SERPING1: variants seen among roughly 807,000 people sequenced by gnomAD.
The protein encoded by SERPING1 is serpin family G member 1.
Under a neutral mutation model 34.1 loss-of-function variants are expected in SERPING1, and 5 were observed. The ratio of observed to expected loss-of-function variants is 0.15; its 90% CI spans 0.08 to 0.31. SERPING1 has a LOEUF of 0.31. Among genes scored for constraint, SERPING1 ranks in the 10% least tolerant of loss-of-function variants. The probability of loss-of-function intolerance (pLI) is 1.00; values close to 1 mark genes in which losing one functional copy is unlikely to be tolerated. For missense variants in SERPING1, 505 were observed against 609.5 expected (o/e 0.83, Z 1.81); for synonymous variants, 225 against 242.4 (o/e 0.93, Z 0.67).
chr11:57,613,280 T>A (rs554246864), intron 7 of SERPING1, among the ~76,000 whole-genome samples: 1 of 152,294 alleles, frequency 6.6e-6, no homozygotes, highest in East Asian at 1.9e-4. Flanking sequence ...TGAATCCAAT[T>A]CTAACACTCT....
At chr11:57,603,838 CAAAAAAAAA>C (rs1259067706) in intron 4 of SERPING1, among the ~76,000 whole-genome samples, 1 of 67,160 alleles carries the variant, frequency 1.5e-5, no homozygotes, top group Non-Finnish European at 2.9e-5. Flanking sequence ...GACACCATCT[CAAAAAAAAA>C]AAAAAAAAAT....
At chr11:57,611,634 T>A (rs1945476880) in intron 6 of SERPING1, 83 bp from the exon 7 acceptor site, 1 of 1,267,424 alleles carries the variant, frequency 7.9e-7, no homozygotes, top group African/African-American at 1.5e-5. Context: ...GGGAGCAGAC[T>A]GCAGGACAGC....
At chr11:57,613,505 G>A (rs1181476852) in intron 7 of SERPING1, among the ~76,000 whole-genome samples, 1 of 152,168 alleles carries the variant, frequency 6.6e-6, no homozygotes, top group African/African-American at 2.4e-5. Context: ...GGTTTATTAT[G>A]TAAAGGATTA....
chr11:57,602,301 G>A lies in SERPING1; in HGVS notation c.685+132G>A, dbSNP rs1945357450. The A allele has an allele frequency of 7.5e-6, 8 of 1,060,600 alleles. No homozygotes were observed. In the Admixed American group the frequency reaches 7.7e-5, roughly 10 times the overall value. The allele number at this position is 1,060,600 out of a possible 1,614,324, so 65.7% of individuals were successfully genotyped here. A position where few individuals can be genotyped will look rare whatever the true frequency, so the allele number is the denominator to read the frequency against. On this transcript the variant is annotated intron_variant, in intron 4 of 7. Transcript: ENST00000278407. ...AGTATCAGGGATGGACTGCAGAGCA[G>A]GTGAAGACCTTGGCAGGAGCATTAG...
chr11:57,598,184 G>A, intron 1 of SERPING1, 65 bp from the exon 2 acceptor site: 1 of 1,306,418 alleles, frequency 7.7e-7, no homozygotes, highest in Non-Finnish European at 1.1e-6. Context: ...GGCGGGCCCC[G>A]GGCGGGGTGG....
chr11:57,599,391 C>T lies in SERPING1; in HGVS notation c.52-488C>T, dbSNP rs73480529. Among the ~76,000 whole-genome samples the T allele has an allele frequency of 9.8e-3, 1,489 of 152,186 alleles. 24 individuals carry two copies. The highest frequency in any genetic ancestry group is 0.033 in the African/African-American group (1,386 of 41,508). The stretch of plus-strand genomic sequence containing the variant: ...CCCTTCTTTCCTCCTTCCCTTTCTT[C>T]GTTCCCTTCCTAATGTGTACTGTTT... On this transcript the variant is annotated intron_variant, in intron 2 of 7. Coordinates refer to ENST00000278407, the MANE Select transcript of SERPING1 (RefSeq NM_000062.3).
chr11:57,608,656 G>T (rs1416040597), intron 6 of SERPING1, among the ~76,000 whole-genome samples: 1 of 152,020 alleles, frequency 6.6e-6, no homozygotes, highest in East Asian at 1.9e-4. Flanking sequence ...GGGATTATAG[G>T]TGCCTGCCAC....
Position 57,600,330 on chromosome 11 carries a change from C to A in SERPING1, c.503C>A (p.Ala168Asp). ...ATGAAGAAGGTGGAGACCAACATGG[C>A]CTTTTCCCCATTCAGCATCGCCAGC... ...SAMKKVETNMAFSPFSIASLL... is the reference protein window; with the variant it reads ...SAMKKVETNMDFSPFSIASLL... Residue 168 changes from alanine to aspartate, a missense_variant, in exon 3 of 8, where the codon GCC becomes GAC. Physicochemically the swap from Ala to Asp is moderately radical, Grantham distance 126. Transcript: ENST00000278407. 1 of 1,613,226 alleles carries A rather than the reference C, an allele frequency of 6.2e-7. No individual in the cohort carries two copies.
chr11:57,598,402 T>C, intron 2 of SERPING1, 81 bp downstream of exon 2: 1 of 1,389,212 alleles, frequency 7.2e-7, no homozygotes, highest in South Asian at 1.2e-5. Flanking sequence ...TGGCTGAGGA[T>C]TAACCCTTCA....
chr11:57,607,052 C>T (rs923309336), intron 6 of SERPING1, among the ~76,000 whole-genome samples: 1 of 152,192 alleles, frequency 6.6e-6, no homozygotes, highest in Non-Finnish European at 1.5e-5. Flanking sequence ...GGAGAGAAGA[C>T]AGAATATGGA....
At chr11:57,608,939 T>C (rs1333179075) in intron 6 of SERPING1, among the ~76,000 whole-genome samples, 2 of 151,990 alleles carry the variant, frequency 1.3e-5, no homozygotes, top group East Asian at 3.9e-4. Context: ...AAAATTAAAA[T>C]TTTACTTATG....
chr11:57,614,181 AG>A, intron 7 of SERPING1, 146 bp from the exon 8 acceptor site: 1 of 1,043,538 alleles, frequency 9.6e-7, no homozygotes, highest in East Asian at 2.4e-5. Context: ...GAACTGCCAG[AG>A]GGTACAGTAT....
chr11:57,609,356 A>C (rs547815481), intron 6 of SERPING1, among the ~76,000 whole-genome samples: 4 of 152,312 alleles, frequency 2.6e-5, no homozygotes, highest in Admixed American at 2.6e-4. Context: ...AGGCAGGTGA[A>C]TCACCTGAGG....
At chr11:57,614,176 G>A in intron 7 of SERPING1, 152 bp from the exon 8 acceptor site, 2 of 1,015,768 alleles carry the variant, frequency 2.0e-6, no homozygotes, top group Non-Finnish European at 3.0e-6. Context: ...CCCACGAACT[G>A]CCAGAGGGTA....
Position 57,614,317 on chromosome 11 carries a change from T to G in SERPING1, c.1250-11T>G, listed in dbSNP as rs766958427. ...GGCTTCTGACTCTGTTTTTCTCTGGTTTTGCCCTAGAATTCTTCGATTTTT... is the reference window on the plus strand; with the variant it reads ...GGCTTCTGACTCTGTTTTTCTCTGGGTTTGCCCTAGAATTCTTCGATTTTT... On this transcript the variant is annotated splice_polypyrimidine_tract_variant and intron_variant, in intron 7 of 7. Coordinates refer to ENST00000278407, the MANE Select transcript of SERPING1 (RefSeq NM_000062.3). The G allele has an allele frequency of 2.5e-6, 4 of 1,613,044 alleles. No individual in the cohort carries two copies. The highest frequency in any genetic ancestry group is 3.4e-6 in the Non-Finnish European group (4 of 1,180,008).
At chr11:57,600,542 C>A (rs1297402307) in intron 3 of SERPING1, among the ~76,000 whole-genome samples, 165 bp downstream of exon 3, 2 of 152,152 alleles carry the variant, frequency 1.3e-5, no homozygotes, top group East Asian at 1.9e-4. Flanking sequence ...CTTGAACATT[C>A]CATCATTTCA....
At chr11:57,607,277 T>TTCAC (rs1945420601) in intron 6 of SERPING1, among the ~76,000 whole-genome samples, 1 of 152,210 alleles carries the variant, frequency 6.6e-6, no homozygotes. Flanking sequence ...TGTATCCCTC[T>TTCAC]TCACTCAGAT....
In SERPING1 at chr11:57,613,573, G is replaced by C. The variant is rs561109922; in HGVS notation, c.1250-755G>C. 3.3e-5 allele frequency among the ~76,000 whole-genome samples: 5 copies of C among 152,296 alleles called. No homozygotes were observed. The South Asian group carries it at 1.0e-3, about 32-fold the overall frequency. ...AGATACATAGGGCAAAATCTGGAAG[G>C]GTCCTGGGCCCAGCAGCATCTATCC... On this transcript the variant is annotated intron_variant, in intron 7 of 7. Coordinates refer to ENST00000278407, the MANE Select transcript of SERPING1 (RefSeq NM_000062.3).
intron 3 of SERPING1, among the ~76,000 whole-genome samples, chr11:57,600,890 G>A (rs1306559222): frequency 6.6e-6 from 1 of 151,684 alleles, no homozygotes; most frequent in Non-Finnish European, 1.5e-5. Context: ...GGTGGAGGTT[G>A]CAGTGAGCCG....
Sources: gnomAD v4.1 joint callset for allele counts (sites outside exome capture counted in the v4.1 genomes callset) on GRCh38, gnomAD v4.1.1 for gene constraint, MANE v1.5 for transcripts, NCBI Gene and HGNC (gene_info 2026-07-23, HGNC 2026-07-21) for gene names.